Variants in AVEN observed in about 807,000 individuals in gnomAD.
The protein encoded by AVEN is apoptosis and caspase activation inhibitor, also known as cell death regulator Aven.
A neutral mutation model predicts 38.1 loss-of-function variants in AVEN; 41 were observed. The ratio of observed to expected loss-of-function variants is 1.08; its 90% CI spans 0.84 to 1.40. AVEN has a LOEUF of 1.40. Among genes scored for constraint, AVEN ranks in the 40% most tolerant of loss-of-function variants. AVEN has a pLI of 0.00. For missense variants in AVEN, 605 were observed against 438.8 expected (o/e 1.38, Z -3.38); for synonymous variants, 206 against 171.8 (o/e 1.20, Z -1.56).
downstream of AVEN, among the ~76,000 whole-genome samples, chr15:33,864,526 G>A (rs919440469): frequency 3.3e-5 from 5 of 152,290 alleles, no homozygotes; most frequent in Middle Eastern, 3.4e-3. Flanking sequence ...AGAGTACAAC[G>A]GAGTGAGAGA....
intron 1 of AVEN, among the ~76,000 whole-genome samples, chr15:34,038,045 C>T (rs2140790912): frequency 6.6e-6 from 1 of 152,262 alleles, no homozygotes; most frequent in South Asian, 2.1e-4. Context: ...GCTCCAATCT[C>T]CAAAAACTTC....
intron 3 of AVEN, among the ~76,000 whole-genome samples, chr15:33,874,878 C>G (rs895252926): frequency 3.3e-5 from 5 of 152,242 alleles, no homozygotes; most frequent in Admixed American, 6.5e-5. Flanking sequence ...AATTGTTCGG[C>G]TTCTACCATA....
chr15:33,860,690 C>G lies in AVEN; in HGVS notation n.2730-1596G>C, dbSNP rs375864386. 8.3e-6 allele frequency: 12 copies of G among 1,438,344 alleles called. No homozygotes were observed. In the Admixed American group the frequency reaches 1.2e-4, roughly 14 times the overall value. 89.1% of individuals were successfully genotyped at this position (1,438,344 alleles called of 1,614,324 possible). A position where few individuals can be genotyped will look rare whatever the true frequency, so the allele number is the denominator to read the frequency against. On this transcript the variant is annotated intron_variant and non_coding_transcript_variant, in intron 11 of 11. Coordinates refer to the AVEN transcript ENST00000675287. ...GTTACTCTAACTACTAATCCCAGCT[C>G]TATTTTAATATCCCCAGAAGCAAAT...
intron 2 of AVEN, among the ~76,000 whole-genome samples, chr15:33,938,607 C>T (rs1346852892): frequency 6.6e-6 from 1 of 152,158 alleles, no homozygotes; most frequent in African/African-American, 2.4e-5. Context: ...CTAGAATACA[C>T]AAAGAACTAC....
At chr15:33,995,986 C>T (rs139553577) in intron 2 of AVEN, among the ~76,000 whole-genome samples, 2,089 of 150,978 alleles carry the variant, frequency 0.014, 26 homozygotes, top group Middle Eastern at 0.082. Flanking sequence ...CCAAATACTG[C>T]GCTTTTCCAA....
At chr15:33,994,774 T>C (rs1597326367) in intron 2 of AVEN, among the ~76,000 whole-genome samples, 1 of 152,208 alleles carries the variant, frequency 6.6e-6, no homozygotes, top group Non-Finnish European at 1.5e-5. Context: ...AGCTATATTC[T>C]CTACTCTTGA....
downstream of AVEN, chr15:33,855,974 G>A (rs1231106200): frequency 6.6e-6 from 1 of 152,168 alleles, no homozygotes; most frequent in Non-Finnish European, 1.5e-5. Context: ...TTGTACGGGA[G>A]AGGGAGAAAA....
At chr15:33,933,520 CACACAGAGAGAG>C (rs1198903174) in intron 2 of AVEN, among the ~76,000 whole-genome samples, 826 of 81,662 alleles carry the variant, frequency 0.01, 2 homozygotes, top group South Asian at 0.022. Flanking sequence ...CACACACACA[CACACAGAGAGAG>C]AGAGAGAGAG....
At chr15:34,069,808 T>C (rs1035652923) in intron 2 of AVEN, among the ~76,000 whole-genome samples, 5 of 152,210 alleles carry the variant, frequency 3.3e-5, no homozygotes, top group Admixed American at 1.3e-4. Flanking sequence ...CTCCTATTTA[T>C]ATTGAATTTC....
intron 2 of AVEN, among the ~76,000 whole-genome samples, chr15:33,903,592 T>A (rs1434846930): frequency 6.6e-6 from 1 of 152,216 alleles, no homozygotes; most frequent in Admixed American, 6.5e-5. Context: ...ACTACAAGTT[T>A]CCTCAAAGCA....
intron 2 of AVEN, among the ~76,000 whole-genome samples, chr15:33,992,680 C>A (rs1369384788): frequency 2.0e-5 from 3 of 151,984 alleles, no homozygotes; most frequent in Non-Finnish European, 4.4e-5. Flanking sequence ...AAAAAATGAG[C>A]TGAATCAATG....
At position 33,884,601 on chromosome 15, in the gene AVEN, A is replaced by G. The variant is rs189540367; in HGVS notation, c.446-8606T>C. 3.3e-5 allele frequency among the ~76,000 whole-genome samples: 5 copies of G among 152,314 alleles called. No homozygotes were observed. The East Asian group carries it at 9.7e-4, about 29-fold the overall frequency. ...CTTGCTAGAACTCCTCAGTACTAAT[A>G]TGCTTTCAAAAAGCTTACCATCTAG... is the stretch of plus-strand genomic sequence containing the variant. On this transcript the variant is annotated intron_variant, in intron 2 of 5. Transcript: ENST00000306730.
rs147807300 is a variant in AVEN, at chr15:33,953,265, T to C, written c.445+49767A>G. On this transcript the variant is annotated intron_variant, in intron 2 of 5. Coordinates refer to ENST00000306730, the MANE Select transcript of AVEN (RefSeq NM_020371.3). ...CCCATCAAGCTACCAATGACTTTCT[T>C]CACAGAATTAAAAAAAAAACTACTT... 3.8e-3 allele frequency among the ~76,000 whole-genome samples: 572 copies of C among 152,014 alleles called. 1 individual carries two copies. The highest frequency in any genetic ancestry group is 0.014 in the Middle Eastern group (4 of 294).
At chr15:33,914,733 G>C (rs1893057106) in intron 2 of AVEN, among the ~76,000 whole-genome samples, 1 of 151,812 alleles carries the variant, frequency 6.6e-6, no homozygotes, top group Non-Finnish European at 1.5e-5. Flanking sequence ...GGATGGACGA[G>C]AACTAGAAAT....
intron 2 of AVEN, among the ~76,000 whole-genome samples, chr15:33,892,686 T>C (rs1045152730): frequency 2.8e-4 from 43 of 152,270 alleles, no homozygotes; most frequent in Middle Eastern, 3.4e-3. Context: ...TTACTTAGAA[T>C]TGTCTTGGCA....
At chr15:33,885,418 A>C (rs997135407) in intron 2 of AVEN, among the ~76,000 whole-genome samples, 2 of 152,324 alleles carry the variant, frequency 1.3e-5, no homozygotes. Flanking sequence ...TCCATGATTC[A>C]GCCTTTGTAG....
At chr15:33,914,641 T>G (rs1185005967) in intron 2 of AVEN, among the ~76,000 whole-genome samples, 1 of 150,166 alleles carries the variant, frequency 6.7e-6, no homozygotes, top group Non-Finnish European at 1.5e-5. Flanking sequence ...TTGAATGCAT[T>G]GATACTGCTG....
At chr15:33,875,883 T>G in intron 3 of AVEN, 42 bp downstream of exon 3, 1 of 1,557,616 alleles carries the variant, frequency 6.4e-7, no homozygotes, top group Non-Finnish European at 8.8e-7. Context: ...CCTTCAGCCT[T>G]GAAGAAGAGC....
chr15:33,863,840 G>C (rs1056007928), downstream of AVEN, among the ~76,000 whole-genome samples: 1 of 152,000 alleles, frequency 6.6e-6, no homozygotes, highest in African/African-American at 2.4e-5. Context: ...TGTTTTATTA[G>C]AATTTTGTTA....
Sources: allele counts gnomAD v4.1 joint callset (sites outside exome capture counted in the v4.1 genomes callset), GRCh38; gene constraint gnomAD v4.1.1; transcripts MANE v1.5; gene names NCBI Gene and HGNC (gene_info 2026-07-23, HGNC 2026-07-21).